Variants in KIF16B observed in about 807,000 individuals in gnomAD.
KIF16B encodes kinesin family member 16B.
Under a neutral mutation model 156.3 loss-of-function variants are expected in KIF16B, and 98 were observed. The ratio of observed to expected loss-of-function variants is 0.63; its 90% CI spans 0.53 to 0.74. The LOEUF (loss-of-function observed/expected upper bound fraction) is 0.74, where lower values mean the gene tolerates loss of function less well. Among genes scored for constraint, KIF16B ranks in the 30% least tolerant of loss-of-function variants. The pLI is 0.00. For synonymous variants in KIF16B, 564 were observed against 583.7 expected, an observed-to-expected ratio of 0.97 and a Z score of 0.49; for missense variants, 1,421 against 1,606.5, an observed-to-expected ratio of 0.88 and a Z score of 1.97.
intron 25 of KIF16B, among the ~76,000 whole-genome samples, chr20:16,275,167 C>T (rs528728789): frequency 6.6e-6 from 1 of 151,992 alleles, no homozygotes; most frequent in Non-Finnish European, 1.5e-5. Flanking sequence ...AATTCTCCTG[C>T]CTCAGCCTCC....
intron 15 of KIF16B, among the ~76,000 whole-genome samples, chr20:16,413,084 C>A (rs1399016348): frequency 6.6e-6 from 1 of 151,892 alleles, no homozygotes; most frequent in African/African-American, 2.4e-5. Context: ...TTCTTGTCAA[C>A]CATGAACCAT....
At chr20:16,514,432 C>T (rs751950041) in intron 4 of KIF16B, among the ~76,000 whole-genome samples, 2 of 152,044 alleles carry the variant, frequency 1.3e-5, no homozygotes, top group African/African-American at 2.4e-5. Context: ...TCTTCTAACA[C>T]ACGACTTCCA....
At chr20:16,543,990 C>T (rs1232553636) in intron 1 of KIF16B, among the ~76,000 whole-genome samples, 1 of 152,174 alleles carries the variant, frequency 6.6e-6, no homozygotes, top group Non-Finnish European at 1.5e-5. Flanking sequence ...GCTACATCTT[C>T]CTGGAGAGGG....
chr20:16,507,851 T>C, intron 7 of KIF16B, 107 bp downstream of exon 7: 2 of 1,216,960 alleles, frequency 1.6e-6, no homozygotes, highest in Non-Finnish European at 2.3e-6. Flanking sequence ...GTCAGTCACC[T>C]TTACCTGCTG....
chr20:16,523,215 T>C (rs887856011), intron 3 of KIF16B, among the ~76,000 whole-genome samples: 3 of 152,132 alleles, frequency 2.0e-5, no homozygotes, highest in African/African-American at 7.2e-5. Context: ...AAACAATGGG[T>C]ATTCGAATAA....
At chr20:16,417,902 A>G (rs559922876) in intron 15 of KIF16B, among the ~76,000 whole-genome samples, 4 of 152,218 alleles carry the variant, frequency 2.6e-5, no homozygotes, top group South Asian at 4.1e-4. Context: ...CAATAGTAAA[A>G]TATCTAACTT....
chr20:16,491,061 G>A lies in KIF16B; in HGVS notation c.1302+3230C>T, dbSNP rs558289896. On this transcript the variant is annotated intron_variant, in intron 12 of 25. Transcript: ENST00000354981. ...AACCAAATACTGCAGAAGCACAAAG[G>A]AAAAGAAAATTCATCCTAACTGGGA... 1.2e-3 allele frequency among the ~76,000 whole-genome samples: 182 copies of A among 152,278 alleles called. 1 individual carries two copies. The highest frequency in any genetic ancestry group is 1.8e-3 in the Non-Finnish European group (122 of 68,024).
At chr20:16,467,341 C>T (rs1205703448) in intron 12 of KIF16B, among the ~76,000 whole-genome samples, 4 of 152,168 alleles carry the variant, frequency 2.6e-5, no homozygotes, top group Non-Finnish European at 5.9e-5. Flanking sequence ...CTGTTTACCA[C>T]AGCTCCTCTT....
At chr20:16,346,594 G>T (rs1183416848) in intron 23 of KIF16B, among the ~76,000 whole-genome samples, 1 of 152,170 alleles carries the variant, frequency 6.6e-6, no homozygotes, top group African/African-American at 2.4e-5. Flanking sequence ...CCTGCCTTTT[G>T]CAATAACCAG....
At chr20:16,563,921 G>A (rs570974577) in intron 1 of KIF16B, among the ~76,000 whole-genome samples, 23 of 152,004 alleles carry the variant, frequency 1.5e-4, no homozygotes, top group Non-Finnish European at 2.4e-4. Context: ...ACTTCCATGC[G>A]CTCCCAACTC....
intron 15 of KIF16B, among the ~76,000 whole-genome samples, chr20:16,419,704 T>A (rs1265700001): frequency 6.6e-6 from 1 of 152,068 alleles, no homozygotes; most frequent in East Asian, 1.9e-4. Flanking sequence ...ATTAATTGCA[T>A]TTAACAACTA....
At chr20:16,333,730 G>A (rs1236413428) in intron 24 of KIF16B, among the ~76,000 whole-genome samples, 1 of 152,010 alleles carries the variant, frequency 6.6e-6, no homozygotes, top group Non-Finnish European at 1.5e-5. Flanking sequence ...TGTTCATTCT[G>A]GAGTTTTCTT....
intron 12 of KIF16B, among the ~76,000 whole-genome samples, chr20:16,460,032 T>C (rs77657794): frequency 6.6e-6 from 1 of 152,322 alleles, no homozygotes; most frequent in East Asian, 1.9e-4. Flanking sequence ...AAAAAGGTAG[T>C]ATCTTTTTTC....
chr20:16,345,376 C>T (rs1019662095), intron 23 of KIF16B, among the ~76,000 whole-genome samples: 5 of 152,340 alleles, frequency 3.3e-5, no homozygotes, highest in Middle Eastern at 3.4e-3. Context: ...GTGGCACTCA[C>T]AGCCTCTTTT....
intron 23 of KIF16B, among the ~76,000 whole-genome samples, chr20:16,349,869 C>G (rs996978853): frequency 1.3e-5 from 2 of 152,160 alleles, no homozygotes; most frequent in African/African-American, 4.8e-5. Context: ...TAGGGCCAGA[C>G]TGACTGAAAT....
chr20:16,482,359 G>A (rs1468426459), intron 12 of KIF16B, among the ~76,000 whole-genome samples: 1 of 152,036 alleles, frequency 6.6e-6, no homozygotes, highest in Non-Finnish European at 1.5e-5. Context: ...AAAACTGGCT[G>A]TTGTGATACA....
At chr20:16,345,283 C>T (rs1347403990) in intron 23 of KIF16B, among the ~76,000 whole-genome samples, 1 of 152,138 alleles carries the variant, frequency 6.6e-6, no homozygotes, top group Non-Finnish European at 1.5e-5. Flanking sequence ...CCTTGGTATC[C>T]TGATGCTTCT....
chr20:16,468,811 C>T (rs573159092), intron 12 of KIF16B, among the ~76,000 whole-genome samples: 31 of 152,066 alleles, frequency 2.0e-4, no homozygotes, highest in Non-Finnish European at 4.6e-4. Context: ...TAAAGACATA[C>T]TTAAATTCAA....
intron 3 of KIF16B, among the ~76,000 whole-genome samples, chr20:16,515,966 T>G (rs1388463746): frequency 6.6e-6 from 1 of 152,220 alleles, no homozygotes; most frequent in African/African-American, 2.4e-5. Flanking sequence ...AAGCAAAGAC[T>G]ATTTTAAAGC....
Sources: gnomAD v4.1 joint callset for allele counts (sites outside exome capture counted in the v4.1 genomes callset) on GRCh38, gnomAD v4.1.1 for gene constraint, MANE v1.5 for transcripts, NCBI Gene and HGNC (gene_info 2026-07-23, HGNC 2026-07-21) for gene names.